GXYLT2: variants seen among roughly 807,000 people sequenced by gnomAD.
The protein encoded by GXYLT2 is glycosyltransferase 8 domain containing 4.
Under a neutral mutation model 45.8 loss-of-function variants are expected in GXYLT2, and 53 were observed. The observed-to-expected ratio is 1.16, with a 90% CI of 0.93 to 1.46. GXYLT2 has a LOEUF of 1.46. GXYLT2 is among the 40% of genes most tolerant of loss of function. GXYLT2 has a pLI of 0.00. For synonymous variants in GXYLT2, 219 were observed against 214.2 expected (o/e 1.02, Z -0.19); for missense variants, 551 against 544.4 (o/e 1.01, Z -0.12).
intron 3 of GXYLT2, among the ~76,000 whole-genome samples, chr3:72,943,379 CT>C (rs72467098): frequency 0.025 from 3,551 of 141,146 alleles, 108 homozygotes; most frequent in African/African-American, 0.079. Context: ...TCTCTTTTTC[CT>C]TTTTTTTTTT....
chr3:72,954,084 C>T (rs575726201), intron 3 of GXYLT2, among the ~76,000 whole-genome samples: 1 of 152,226 alleles, frequency 6.6e-6, no homozygotes, highest in South Asian at 2.1e-4. Flanking sequence ...GAGCAAGACC[C>T]TCATCTGCAA....
Position 72,888,142 on chromosome 3 carries a change from A to G in GXYLT2, c.-92A>G. 4 of 867,722 alleles carry G rather than the reference A, an allele frequency of 4.6e-6. No homozygotes were observed. Among genetic ancestry groups the G allele is most frequent in the Non-Finnish European group, 5.5e-6 (4 of 726,410 alleles). 53.8% of individuals were successfully genotyped at this position (867,722 alleles called of 1,614,324 possible). On this transcript the variant is annotated 5_prime_UTR_variant, in exon 1 of 7. Coordinates refer to ENST00000389617, the MANE Select transcript of GXYLT2 (RefSeq NM_001080393.2). ...CCCCGGCGGGCGGGCGGAGGAGGCG[A>G]CCGCCGCGCGCTGCTGCACTCATCC...
Position 72,888,447 on chromosome 3 carries a change from C to T in GXYLT2, c.214C>T (p.Pro72Ser), listed in dbSNP as rs529400999. The change falls in exon 1 of 7, where the codon CCC becomes TCC. Residue 72 changes from proline to serine, a missense_variant. By Grantham distance (74) the Pro-to-Ser change is moderately conservative (BLOSUM62 -1). Coordinates refer to ENST00000389617, the MANE Select transcript of GXYLT2 (RefSeq NM_001080393.2). ...CAGCCCGGGAGTTCGGAGGCGCCGG[C>T]CCCCGCGTCCGCGCCCCCGAGCGGG... ...GASPGVRRRR[P>S]PRPRPRAGRR... The T allele has an allele frequency of 1.7e-6, 2 of 1,202,604 alleles. No individual in the cohort carries two copies. The highest frequency in any genetic ancestry group is 2.1e-6 in the Non-Finnish European group (2 of 965,980). 74.5% of individuals were successfully genotyped at this position (1,202,604 alleles called of 1,614,324 possible).
intron 2 of GXYLT2, among the ~76,000 whole-genome samples, chr3:72,918,720 G>A (rs975580174): frequency 1.3e-5 from 2 of 151,986 alleles, no homozygotes; most frequent in African/African-American, 4.8e-5. Context: ...GAGGCTACTC[G>A]GGTAGGCTGA....
rs115436627 is a variant in GXYLT2, at chr3:72,894,105, A to G, written c.275+5597A>G. Among the ~76,000 whole-genome samples the G allele has an allele frequency of 2.6e-3, 399 of 152,346 alleles. 2 individuals are homozygous for G. Among genetic ancestry groups the G allele is most frequent in the African/African-American group, 9.0e-3 (375 of 41,584 alleles). On this transcript the variant is annotated intron_variant, in intron 1 of 6. Transcript: ENST00000389617. ...TCTTCTAGATACAACCAAGGAAATA[A>G]ATAGCCCCAGCTGCCACCATATTCA...
intron 2 of GXYLT2, among the ~76,000 whole-genome samples, chr3:72,917,654 G>T (rs1709765353): frequency 6.6e-6 from 1 of 151,790 alleles, no homozygotes; most frequent in Non-Finnish European, 1.5e-5. Context: ...CTACTTGGGA[G>T]GCTGAGGTGG....
intron 3 of GXYLT2, among the ~76,000 whole-genome samples, chr3:72,932,530 T>C (rs1710059177): frequency 6.6e-6 from 1 of 152,208 alleles, no homozygotes; most frequent in Admixed American, 6.5e-5. Context: ...GATACTCAGA[T>C]TGGCTTGACT....
intron 3 of GXYLT2, chr3:72,928,933 G>GCC: frequency 1.4e-6 from 1 of 726,794 alleles, no homozygotes; most frequent in Non-Finnish European, 2.4e-6. Flanking sequence ...CCGGCCGGCC[G>GCC]CCCATAGCCA....
At chr3:72,955,076 C>T (rs761581320) in intron 3 of GXYLT2, 22 bp from the exon 4 acceptor site, 3 of 1,610,914 alleles carry the variant, frequency 1.9e-6, no homozygotes, top group Non-Finnish European at 2.5e-6. Flanking sequence ...CTCCCCTTTA[C>T]ACCCACTCCT....
chr3:72,957,026 T>C (rs1046798207), intron 4 of GXYLT2, among the ~76,000 whole-genome samples: 93 of 146,742 alleles, frequency 6.3e-4, no homozygotes, highest in African/African-American at 2.3e-3. Context: ...CTGGTCTATC[T>C]AGTATCCGTG....
intron 1 of GXYLT2, among the ~76,000 whole-genome samples, chr3:72,894,466 T>A (rs1709244730): frequency 6.6e-6 from 1 of 152,242 alleles, no homozygotes; most frequent in Non-Finnish European, 1.5e-5. Context: ...AGAGGTAGGT[T>A]CCTGAGCAAA....
chr3:72,962,674 G>A (rs1398146305), intron 5 of GXYLT2, among the ~76,000 whole-genome samples: 1 of 152,176 alleles, frequency 6.6e-6, no homozygotes, highest in African/African-American at 2.4e-5. Context: ...GTTAAACAAA[G>A]TTACTGGTTT....
chr3:72,974,597 A>T (rs1559536898), intron 6 of GXYLT2, among the ~76,000 whole-genome samples: 1 of 152,120 alleles, frequency 6.6e-6, no homozygotes, highest in African/African-American at 2.4e-5. Flanking sequence ...AAGGACCCAA[A>T]TTTTTTTTTA....
intron 3 of GXYLT2, among the ~76,000 whole-genome samples, chr3:72,922,893 C>T (rs984980669): frequency 3.3e-5 from 5 of 152,102 alleles, no homozygotes; most frequent in South Asian, 2.1e-4. Context: ...CCAAGGCAGG[C>T]GGATCACTTG....
chr3:72,925,405 C>T (rs1161903253), intron 3 of GXYLT2, among the ~76,000 whole-genome samples: 1 of 152,176 alleles, frequency 6.6e-6, no homozygotes, highest in East Asian at 1.9e-4. Flanking sequence ...ATCCGCCCGC[C>T]TCGGCCTCCC....
chr3:72,955,293 G>T lies in GXYLT2; in HGVS notation c.796G>T (p.Val266Phe). ...ARHPFYGSAGVNSGVMLMNLT... is the reference protein window; with the variant it reads ...ARHPFYGSAGFNSGVMLMNLT... Reference sequence around the variant, plus strand: ...GCATCCTTTCTATGGCTCTGCAGGAGTTAATTCAGGAGTCATGTTAATGAA... The same window carrying T: ...GCATCCTTTCTATGGCTCTGCAGGATTTAATTCAGGAGTCATGTTAATGAA... Residue 266 changes from valine to phenylalanine, a missense_variant, in exon 4 of 7, where the codon GTT becomes TTT. By Grantham distance (50) the Val-to-Phe change is conservative. Transcript: ENST00000389617. 1.9e-6 allele frequency: 3 copies of T among 1,614,012 alleles called. No individual in the cohort carries two copies. The highest frequency in any genetic ancestry group is 2.5e-6 in the Non-Finnish European group (3 of 1,179,886).
At chr3:72,965,086 G>T (rs1043969141) in intron 5 of GXYLT2, among the ~76,000 whole-genome samples, 3 of 152,312 alleles carry the variant, frequency 2.0e-5, no homozygotes, top group Non-Finnish European at 2.9e-5. Flanking sequence ...ATCCCACTTA[G>T]GGACTATGTA....
At chr3:72,920,820 T>TATATATGTA (rs1559734879) in intron 2 of GXYLT2, among the ~76,000 whole-genome samples, 15 of 97,856 alleles carry the variant, frequency 1.5e-4, no homozygotes, top group African/African-American at 9.5e-4. Context: ...ATATATGTAT[T>TATATATGTA]TTTTTTTTTT....
At chr3:72,956,180 G>A (rs1480265633) in intron 4 of GXYLT2, among the ~76,000 whole-genome samples, 1 of 152,004 alleles carries the variant, frequency 6.6e-6, no homozygotes, top group Non-Finnish European at 1.5e-5. Context: ...GAGCCCAGGA[G>A]GTCGAGGCTG....
Sources: gnomAD v4.1 joint callset for allele counts (sites outside exome capture counted in the v4.1 genomes callset) on GRCh38, gnomAD v4.1.1 for gene constraint, MANE v1.5 for transcripts, NCBI Gene and HGNC (gene_info 2026-07-23, HGNC 2026-07-21) for gene names.